Variants in NUBPL observed in about 807,000 individuals in gnomAD.
NUBPL encodes NUBP iron-sulfur cluster assembly factor, mitochondrial, also known as iron-sulfur cluster transfer protein NUBPL.
A neutral mutation model predicts 45.7 loss-of-function variants in NUBPL; 31 were observed. The ratio of observed to expected loss-of-function variants is 0.68; its 90% confidence interval spans 0.51 to 0.92. The LOEUF (loss-of-function observed/expected upper bound fraction) is 0.92. Among genes scored for constraint, NUBPL ranks in the 40% least tolerant of loss-of-function variants. The pLI is 0.00. For missense variants in NUBPL, 401 were observed against 398.7 expected (o/e 1.01, Z -0.05); for synonymous variants, 144 against 140.9 (o/e 1.02, Z -0.15).
At chr14:31,676,189 A>G (rs2036692510) in intron 6 of NUBPL, among the ~76,000 whole-genome samples, 1 of 151,968 alleles carries the variant, frequency 6.6e-6, no homozygotes, top group South Asian at 2.1e-4. Context: ...ACGCCTGGCT[A>G]ATTTTGTATT....
intron 3 of NUBPL, among the ~76,000 whole-genome samples, chr14:31,588,639 G>C (rs2034059015): frequency 6.6e-6 from 1 of 151,776 alleles, no homozygotes; most frequent in Admixed American, 6.6e-5. Context: ...TCACCCGGCT[G>C]AGCGCGGTGG....
At chr14:31,737,648 G>A (rs1004967462) in intron 6 of NUBPL, among the ~76,000 whole-genome samples, 1 of 152,168 alleles carries the variant, frequency 6.6e-6, no homozygotes, top group Non-Finnish European at 1.5e-5. Flanking sequence ...GCCGGGCATG[G>A]TGGCAGGTGC....
chr14:31,607,606 CATCAGTCTTTTAATAGA>C (rs1183908728), intron 4 of NUBPL, among the ~76,000 whole-genome samples: 1 of 151,762 alleles, frequency 6.6e-6, no homozygotes, highest in African/African-American at 2.4e-5. Flanking sequence ...CTGAAGAATG[CATCAGTCTTTTAATAGA>C]ATTGATCAAG....
At chr14:31,830,239 G>T (rs2040167873) in intron 8 of NUBPL, among the ~76,000 whole-genome samples, 1 of 152,076 alleles carries the variant, frequency 6.6e-6, no homozygotes, top group South Asian at 2.1e-4. Context: ...TATATTTACT[G>T]ATATTTAGTG....
At chr14:31,783,295 G>A (rs1393644631) in intron 6 of NUBPL, among the ~76,000 whole-genome samples, 1 of 152,020 alleles carries the variant, frequency 6.6e-6, no homozygotes, top group African/African-American at 2.4e-5. Context: ...GCCATGTGGT[G>A]TCCACCTCCT....
At chr14:31,834,772 G>A (rs907131359) in intron 8 of NUBPL, among the ~76,000 whole-genome samples, 3 of 152,110 alleles carry the variant, frequency 2.0e-5, no homozygotes, top group Admixed American at 6.6e-5. Flanking sequence ...TTGCACATGA[G>A]GAAATGTGGT....
chr14:31,740,125 A>G (rs761730364), intron 6 of NUBPL, among the ~76,000 whole-genome samples: 1 of 152,206 alleles, frequency 6.6e-6, no homozygotes, highest in South Asian at 2.1e-4. Flanking sequence ...ATTTGTGTGT[A>G]GGTTTCTGTG....
chr14:31,640,228 C>G (rs988508156), intron 4 of NUBPL, among the ~76,000 whole-genome samples: 1 of 152,162 alleles, frequency 6.6e-6, no homozygotes, highest in Non-Finnish European at 1.5e-5. Flanking sequence ...GCCATCTTGG[C>G]TGCCCTCCGA....
intron 6 of NUBPL, among the ~76,000 whole-genome samples, chr14:31,702,680 A>G (rs1352271800): frequency 3.9e-5 from 6 of 152,236 alleles, no homozygotes; most frequent in East Asian, 3.8e-4. Context: ...GACTCTGACT[A>G]TAATATTCTC....
intron 6 of NUBPL, among the ~76,000 whole-genome samples, chr14:31,732,977 A>C (rs2038086577): frequency 6.6e-6 from 1 of 152,128 alleles, no homozygotes. Flanking sequence ...AGCGTGAGGA[A>C]ATTCTATGTT....
intron 4 of NUBPL, among the ~76,000 whole-genome samples, chr14:31,666,388 C>G (rs2036428288): frequency 6.6e-6 from 1 of 151,616 alleles, no homozygotes; most frequent in African/African-American, 2.4e-5. Flanking sequence ...CTACAGCCTC[C>G]TGAGTAGCTG....
intron 4 of NUBPL, among the ~76,000 whole-genome samples, chr14:31,645,774 A>AACCCC (rs71399630): frequency 1.2e-5 from 1 of 82,788 alleles, no homozygotes. Flanking sequence ...TATACTTTAC[A>AACCCC]CCCCCCCCCC....
chr14:31,665,388 C>T (rs1255759637), intron 4 of NUBPL, among the ~76,000 whole-genome samples: 1 of 152,164 alleles, frequency 6.6e-6, no homozygotes, highest in African/African-American at 2.4e-5. Context: ...CTAAACACTG[C>T]TTTAGTTGTG....
intron 4 of NUBPL, among the ~76,000 whole-genome samples, chr14:31,644,882 C>G (rs2035801045): frequency 1.3e-5 from 2 of 151,970 alleles, no homozygotes; most frequent in South Asian, 4.1e-4. Context: ...TAATTGACCC[C>G]TTTATTATTA....
chr14:31,703,282 G>A (rs924911069), intron 6 of NUBPL: 5 of 152,458 alleles, frequency 3.3e-5, no homozygotes, highest in African/African-American at 4.8e-5. Flanking sequence ...TTCCCTTAGG[G>A]TGGGCTGCCT....
At chr14:31,794,457 T>C (rs2039445639) in intron 7 of NUBPL, among the ~76,000 whole-genome samples, 1 of 16,412 alleles carries the variant, frequency 6.1e-5, no homozygotes, top group African/African-American at 3.6e-4. Flanking sequence ...ATAGCGGTTT[T>C]GATTTGCATT....
chr14:31,766,424 C>T (rs1436752819), intron 6 of NUBPL, among the ~76,000 whole-genome samples: 2 of 152,132 alleles, frequency 1.3e-5, no homozygotes, highest in South Asian at 2.1e-4. Context: ...TTTACTTGAA[C>T]CCCCAGTGTC....
chr14:31,666,319 C>T (rs1441213919), intron 4 of NUBPL, among the ~76,000 whole-genome samples: 2 of 148,636 alleles, frequency 1.3e-5, no homozygotes, highest in Non-Finnish European at 3.0e-5. Flanking sequence ...GGCTGGAGTG[C>T]AGTGGTGCAA....
chr14:31,571,639 G>A (rs1196286886), intron 3 of NUBPL, among the ~76,000 whole-genome samples: 3 of 151,912 alleles, frequency 2.0e-5, no homozygotes, highest in Non-Finnish European at 4.4e-5. Flanking sequence ...TTGTAGAGAC[G>A]GGGTTTCATC....
Sources: gnomAD v4.1 joint callset for allele counts (sites outside exome capture counted in the v4.1 genomes callset) on GRCh38, gnomAD v4.1.1 for gene constraint, MANE v1.5 for transcripts, NCBI Gene and HGNC (gene_info 2026-07-23, HGNC 2026-07-21) for gene names.